The following TBXAS1 variants were observed in gnomAD, a reference collection of about 807,000 sequenced individuals.
The protein encoded by TBXAS1 is thromboxane-A synthase.
A neutral mutation model predicts 60.7 loss-of-function variants in TBXAS1; 48 were observed. The observed-to-expected ratio is 0.79, with a 90% CI of 0.63 to 1.01. The LOEUF (loss-of-function observed/expected upper bound fraction) is 1.01, where lower values mean the gene tolerates loss of function less well. Ranked by LOEUF, TBXAS1 falls within the 50% of genes least tolerant of loss-of-function variation. TBXAS1 has a pLI of 0.00. For missense variants in TBXAS1, 685 were observed against 686.3 expected (o/e 1.00, Z 0.02); for synonymous variants, 287 against 269.7 (o/e 1.06, Z -0.63).
chr7:139,801,302 G>A (rs1353776962), intron 4 of TBXAS1, among the ~76,000 whole-genome samples: 3 of 152,122 alleles, frequency 2.0e-5, no homozygotes, highest in Non-Finnish European at 2.9e-5. Flanking sequence ...AACATATGAT[G>A]AGCTTTGATC....
intron 4 of TBXAS1, among the ~76,000 whole-genome samples, chr7:139,823,045 T>G (rs973947618): frequency 2.0e-5 from 3 of 151,856 alleles, no homozygotes; most frequent in Non-Finnish European, 4.4e-5. Flanking sequence ...CAGTTTCCCA[T>G]GCCTTTGAGC....
chr7:139,813,559 A>G (rs1038105198), intron 4 of TBXAS1, among the ~76,000 whole-genome samples: 1 of 152,208 alleles, frequency 6.6e-6, no homozygotes, highest in Non-Finnish European at 1.5e-5. Context: ...GAATGATAAC[A>G]TCCATCATAG....
chr7:140,019,268 G>A (rs1815346595), intron 12 of TBXAS1, among the ~76,000 whole-genome samples: 1 of 152,188 alleles, frequency 6.6e-6, no homozygotes, highest in Non-Finnish European at 1.5e-5. Context: ...GGGCAGATCG[G>A]CAGAGCAGAG....
At chr7:139,903,947 T>A (rs1318220407) in intron 3 of TBXAS1, among the ~76,000 whole-genome samples, 1 of 152,146 alleles carries the variant, frequency 6.6e-6, no homozygotes, top group East Asian at 1.9e-4. Context: ...ACAAAAGCTC[T>A]TTACTTTAAT....
At chr7:139,791,547 T>C (rs998852865) in intron 4 of TBXAS1, among the ~76,000 whole-genome samples, 4 of 152,226 alleles carry the variant, frequency 2.6e-5, no homozygotes, top group African/African-American at 9.6e-5. Context: ...ATGTCTGAGT[T>C]ATACCCATTG....
At position 139,864,953 on chromosome 7, in the gene TBXAS1, G is replaced by A. The variant is rs188258182; in HGVS notation, c.90-7282G>A. Reference sequence around the variant, plus strand: ...AGTACCTGGAAAGGAGGTACTCTAGGAAGGAGATGTCCGATTCTTATTGCT... The same window carrying A: ...AGTACCTGGAAAGGAGGTACTCTAGAAAGGAGATGTCCGATTCTTATTGCT... On this transcript the variant is annotated intron_variant, in intron 1 of 12. Transcript: ENST00000448866. Among the ~76,000 whole-genome samples the A allele has an allele frequency of 4.6e-5, 7 of 152,278 alleles. No individual in the cohort carries two copies. In the East Asian group the frequency reaches 1.3e-3, roughly 29 times the overall value.
chr7:139,940,918 T>TATC (rs1808237724), intron 5 of TBXAS1, among the ~76,000 whole-genome samples: 1 of 152,178 alleles, frequency 6.6e-6, no homozygotes. Flanking sequence ...GAAATAATTC[T>TATC]ATCAAGAAAA....
At chr7:139,816,126 TTCTC>T (rs1278499968) in intron 4 of TBXAS1, among the ~76,000 whole-genome samples, 1 of 152,192 alleles carries the variant, frequency 6.6e-6, no homozygotes, top group African/African-American at 2.4e-5. Flanking sequence ...CATGCTCTTT[TTCTC>T]TCTCCTGCCG....
chr7:139,998,236 C>T (rs957346867), intron 9 of TBXAS1, among the ~76,000 whole-genome samples: 2 of 152,190 alleles, frequency 1.3e-5, no homozygotes, highest in East Asian at 1.9e-4. Flanking sequence ...GGAGAGGCCA[C>T]GGGTGTGCTT....
intron 2 of TBXAS1, among the ~76,000 whole-genome samples, chr7:139,781,719 C>T (rs1470934887): frequency 6.6e-6 from 1 of 151,248 alleles, no homozygotes; most frequent in African/African-American, 2.4e-5. Flanking sequence ...CCTGTAATCC[C>T]AGCTACTTGG....
rs746613529 is a variant in TBXAS1, at chr7:140,015,703, C to T, written c.1227-20C>T. On this transcript the variant is annotated intron_variant, in intron 10 of 12. Transcript: ENST00000448866. The stretch of plus-strand genomic sequence containing the variant: ...CTCATCTCTTCTCTGTATCCACCCC[C>T]GACCTGGTGTTTCCCTCAGATTCAC... 3.5e-5 allele frequency: 56 copies of T among 1,612,364 alleles called. No homozygotes were observed. The highest frequency in any genetic ancestry group is 1.3e-4 in the Admixed American group (8 of 60,026).
Position 139,807,462 on chromosome 7 carries a change from C to T in TBXAS1, c.-80+20036C>T, listed in dbSNP as rs563698073. Among the ~76,000 whole-genome samples the T allele has an allele frequency of 1.7e-3, 259 of 152,170 alleles. 1 individual carries two copies. The highest frequency in any genetic ancestry group is 5.9e-3 in the African/African-American group (246 of 41,506). On this transcript the variant is annotated intron_variant, in intron 4 of 16. Transcript: ENST00000336425. ...GTAGTGGCGCAATCTCGGCTCACTG[C>T]AACCTCCGCCTCCCGGGTTCAAGTG...
At chr7:139,951,966 G>GA (rs761932825) in intron 5 of TBXAS1, among the ~76,000 whole-genome samples, 2 of 127,854 alleles carry the variant, frequency 1.6e-5, no homozygotes, top group African/African-American at 3.0e-5. Context: ...AAGAAAGAAA[G>GA]AAAGAAAGAA....
At chr7:139,903,305 A>G (rs923431239) in intron 3 of TBXAS1, among the ~76,000 whole-genome samples, 1 of 152,044 alleles carries the variant, frequency 6.6e-6, no homozygotes, top group African/African-American at 2.4e-5. Context: ...ATAGTATTCC[A>G]CCATACATAT....
At chr7:139,980,887 C>T (rs894183487) in intron 9 of TBXAS1, among the ~76,000 whole-genome samples, 1 of 151,676 alleles carries the variant, frequency 6.6e-6, no homozygotes, top group African/African-American at 2.4e-5. Flanking sequence ...ACATTTTACC[C>T]CTCCCTTCCA....
At chr7:139,970,480 A>G (rs1811119901) in intron 9 of TBXAS1, among the ~76,000 whole-genome samples, 1 of 152,202 alleles carries the variant, frequency 6.6e-6, no homozygotes, top group South Asian at 2.1e-4. Context: ...ATGTACAAGG[A>G]GCCAGGTTCT....
At chr7:139,880,246 C>T (rs1387849995) in intron 3 of TBXAS1, among the ~76,000 whole-genome samples, 1 of 152,172 alleles carries the variant, frequency 6.6e-6, no homozygotes, top group Non-Finnish European at 1.5e-5. Context: ...ATCCCCGTTT[C>T]TTCTTCCCCC....
At chr7:139,882,075 C>T (rs1859568) in intron 3 of TBXAS1, among the ~76,000 whole-genome samples, 2,274 of 152,260 alleles carry the variant, frequency 0.015, 30 homozygotes, top group African/African-American at 0.032. Flanking sequence ...GAACACTTTT[C>T]GTGTAATTGC....
intron 1 of TBXAS1, among the ~76,000 whole-genome samples, chr7:139,871,076 G>T (rs1192126361): frequency 2.6e-5 from 4 of 152,114 alleles, no homozygotes; most frequent in Admixed American, 1.3e-4. Context: ...AATAAATAAA[G>T]AAATAAATAG....
Sources: gnomAD v4.1 joint callset for allele counts (sites outside exome capture counted in the v4.1 genomes callset) on GRCh38, gnomAD v4.1.1 for gene constraint, MANE v1.5 for transcripts, NCBI Gene and HGNC (gene_info 2026-07-23, HGNC 2026-07-21) for gene names.